The following ATP11A variants were observed in gnomAD, a reference collection of about 807,000 sequenced individuals.
ATP11A encodes phospholipid-transporting ATPase IH.
Under a neutral mutation model 154.4 loss-of-function variants are expected in ATP11A, and 81 were observed. The observed-to-expected ratio is 0.52, with a 90% CI of 0.44 to 0.63. ATP11A has a LOEUF of 0.63. Among genes scored for constraint, ATP11A ranks in the 30% least tolerant of loss-of-function variants. The pLI, the probability that ATP11A is intolerant of heterozygous loss-of-function variation, is 0.00. For missense variants in ATP11A, 1,316 were observed against 1,474.3 expected, an observed-to-expected ratio of 0.89 and a Z score of 1.76; for synonymous variants, 623 against 585.9, an observed-to-expected ratio of 1.06 and a Z score of -0.91.
intron 17 of ATP11A, among the ~76,000 whole-genome samples, chr13:112,847,070 G>C (rs72660055): frequency 0.045 from 6,895 of 152,300 alleles, 218 homozygotes; most frequent in Admixed American, 0.073. Context: ...TTGACACCCA[G>C]GTCTGCCCCA....
At chr13:112,765,380 C>T (rs952662310) in intron 1 of ATP11A, among the ~76,000 whole-genome samples, 12 of 152,176 alleles carry the variant, frequency 7.9e-5, no homozygotes, top group African/African-American at 2.2e-4. Flanking sequence ...CTGGGGGGGT[C>T]GTGGTCTCGC....
Position 112,846,439 on chromosome 13 carries a change from C to T in ATP11A, c.1809+4060C>T, listed in dbSNP as rs568323143. ...GCAGGACACCCCTCTCCTCAAACATCGGAGTTTTCATGTCTAGAAATTCCG... is the reference window on the plus strand; with the variant it reads ...GCAGGACACCCCTCTCCTCAAACATTGGAGTTTTCATGTCTAGAAATTCCG... On this transcript the variant is annotated intron_variant, in intron 17 of 29. Transcript: ENST00000375645. Among the ~76,000 whole-genome samples, 3 of 152,302 alleles carry T rather than the reference C, an allele frequency of 2.0e-5. No homozygotes were observed. In the East Asian group the frequency reaches 5.8e-4, roughly 29 times the overall value.
intron 12 of ATP11A, among the ~76,000 whole-genome samples, chr13:112,827,563 G>A (rs2078965073): frequency 6.6e-6 from 1 of 152,248 alleles, no homozygotes; most frequent in African/African-American, 2.4e-5. Context: ...CATTCCCTGG[G>A]TTTCCCCAGC....
At chr13:112,707,767 C>T (rs960190499) in intron 1 of ATP11A, among the ~76,000 whole-genome samples, 1 of 152,186 alleles carries the variant, frequency 6.6e-6, no homozygotes, top group African/African-American at 2.4e-5. Flanking sequence ...AAAAGTGGAT[C>T]TTATATGACA....
At chr13:112,850,797 T>G (rs910537958) in intron 17 of ATP11A, among the ~76,000 whole-genome samples, 1 of 152,282 alleles carries the variant, frequency 6.6e-6, no homozygotes, top group Non-Finnish European at 1.5e-5. Context: ...TAATCCATAA[T>G]GATTCTTGGT....
intron 8 of ATP11A, 48 bp from the exon 9 acceptor site, chr13:112,823,297 C>T: frequency 6.7e-7 from 1 of 1,502,908 alleles, no homozygotes; most frequent in Non-Finnish European, 9.2e-7. Flanking sequence ...CCCGCCCTGC[C>T]CACTTGCCTT....
intron 1 of ATP11A, among the ~76,000 whole-genome samples, chr13:112,774,782 C>A (rs1566462368): frequency 6.6e-6 from 1 of 152,244 alleles, no homozygotes. Context: ...TGGGTCAGGT[C>A]TGAATGAACG....
At position 112,842,055 on chromosome 13, in the gene ATP11A, C is replaced by T. The variant is rs756921234; in HGVS notation, c.1706-221C>T. Among the ~76,000 whole-genome samples the T allele has an allele frequency of 7.0e-4, 106 of 152,336 alleles. 1 individual carries two copies. The Middle Eastern group carries it at 0.014, about 20-fold the overall frequency. ...AGTTCTTTTCCTCGTTCCTGCCTCT[C>T]CTGTGGAATTTCTAGGGTGTAGGAA... is the stretch of plus-strand genomic sequence containing the variant. On this transcript the variant is annotated intron_variant, in intron 16 of 29. Coordinates refer to ENST00000375645, the MANE Select transcript of ATP11A (RefSeq NM_015205.3).
At chr13:112,784,133 G>A (rs1053293111) in intron 1 of ATP11A, among the ~76,000 whole-genome samples, 3 of 152,354 alleles carry the variant, frequency 2.0e-5, no homozygotes, top group East Asian at 1.9e-4. Context: ...CCTGCAGAGC[G>A]GGGCTGCCCT....
In ATP11A at chr13:112,716,218, G is replaced by A. The variant is rs76161744; in HGVS notation, c.39+25763G>A. Among the ~76,000 whole-genome samples, 773 of 152,338 alleles carry A rather than the reference G, an allele frequency of 5.1e-3. 7 individuals are homozygous for A. The highest frequency in any genetic ancestry group is 0.018 in the East Asian group (94 of 5,180). On this transcript the variant is annotated intron_variant, in intron 1 of 29. Coordinates refer to ENST00000375645, the MANE Select transcript of ATP11A (RefSeq NM_015205.3). ...CATGAGAAGCATCCACCGTGGTGGG[G>A]CCAAGTCCCTAGGCCCCAGGCATTC...
chr13:112,744,562 C>T (rs1891911026), intron 1 of ATP11A, among the ~76,000 whole-genome samples: 1 of 152,244 alleles, frequency 6.6e-6, no homozygotes. Flanking sequence ...TGGTGCCTCC[C>T]TCCCCGGCCC....
chr13:112,714,045 C>T (rs1238448077), intron 1 of ATP11A, among the ~76,000 whole-genome samples: 1 of 150,950 alleles, frequency 6.6e-6, no homozygotes. Flanking sequence ...TTTCACTCCC[C>T]CGACCCCTGA....
chr13:112,777,360 T>C (rs562626126), intron 1 of ATP11A, among the ~76,000 whole-genome samples: 1 of 152,318 alleles, frequency 6.6e-6, no homozygotes, highest in East Asian at 1.9e-4. Context: ...GGTCAGGAGT[T>C]TGAGACCAGC....
At chr13:112,851,430 A>G (rs2079764136) in intron 18 of ATP11A, 1 of 457,672 alleles carries the variant, frequency 2.2e-6, no homozygotes, top group East Asian at 3.1e-5. Flanking sequence ...CATGAAGAAG[A>G]TGCCTGAAAG....
chr13:112,716,691 G>A (rs2139604023), intron 1 of ATP11A, among the ~76,000 whole-genome samples: 1 of 152,316 alleles, frequency 6.6e-6, no homozygotes, highest in South Asian at 2.1e-4. Context: ...CCGCTGGAGA[G>A]GGTGTGAGAG....
intron 1 of ATP11A, among the ~76,000 whole-genome samples, chr13:112,729,124 C>A (rs372899845): frequency 2.1e-4 from 32 of 152,290 alleles, no homozygotes; most frequent in African/African-American, 6.3e-4. Context: ...AATCGGTGAA[C>A]CTGAGTGAAA....
At chr13:112,775,550 G>A (rs1043387925) in intron 1 of ATP11A, among the ~76,000 whole-genome samples, 2 of 152,146 alleles carry the variant, frequency 1.3e-5, no homozygotes, top group African/African-American at 4.8e-5. Flanking sequence ...AAAGAAGGAG[G>A]CGAATACTTT....
intron 29 of ATP11A, 192 bp from the exon 30 acceptor site, chr13:112,881,682 GGT>G (rs1305041769): frequency 6.4e-6 from 8 of 1,251,438 alleles, no homozygotes; most frequent in South Asian, 2.8e-5. Flanking sequence ...TCAGGACGAG[GGT>G]GTGTCCTGAG....
intron 25 of ATP11A, among the ~76,000 whole-genome samples, chr13:112,869,964 G>C (rs564893468): frequency 6.6e-6 from 1 of 152,320 alleles, no homozygotes; most frequent in Admixed American, 6.5e-5. Context: ...TGTGCACTCA[G>C]CAGCCCCTCC....
Sources: gnomAD v4.1 joint callset for allele counts (sites outside exome capture counted in the v4.1 genomes callset) on GRCh38, gnomAD v4.1.1 for gene constraint, MANE v1.5 for transcripts, NCBI Gene and HGNC (gene_info 2026-07-23, HGNC 2026-07-21) for gene names.